The following SLC7A9 variants were observed in gnomAD, a reference collection of about 807,000 sequenced individuals.
SLC7A9 encodes the protein B(0,+)-type amino acid transporter 1.
SLC7A9 carries 38 observed loss-of-function variants against 54.1 expected under a neutral mutation model. The observed-to-expected ratio is 0.70, with a 90% confidence interval of 0.54 to 0.92. The LOEUF is 0.92. Ranked by LOEUF, SLC7A9 falls within the 40% of genes least tolerant of loss-of-function variation. The probability of loss-of-function intolerance (pLI) is 0.00; values close to 1 mark genes in which losing one functional copy is unlikely to be tolerated. For synonymous variants in SLC7A9, 264 were observed against 258.9 expected (o/e 1.02, Z -0.19); for missense variants, 537 against 636.1 (o/e 0.84, Z 1.68).
intron 9 of SLC7A9, among the ~76,000 whole-genome samples, chr19:32,846,690 C>G (rs571329637): frequency 7.9e-5 from 12 of 152,338 alleles, no homozygotes; most frequent in African/African-American, 2.6e-4. Context: ...CAGCACACAG[C>G]TGGAGATCTG....
At chr19:32,854,710 C>T (rs1968567823) in intron 9 of SLC7A9, among the ~76,000 whole-genome samples, 1 of 152,100 alleles carries the variant, frequency 6.6e-6, no homozygotes, top group Non-Finnish European at 1.5e-5. Flanking sequence ...GCCTCAGCCT[C>T]CTGAGTAGCT....
intron 9 of SLC7A9, among the ~76,000 whole-genome samples, chr19:32,852,036 G>A (rs894500078): frequency 6.6e-5 from 10 of 152,018 alleles, no homozygotes; most frequent in African/African-American, 1.7e-4. Flanking sequence ...TGGGGGGAGC[G>A]GGGAGGGATA....
In SLC7A9 at chr19:32,862,528, G is replaced by C; in HGVS notation, c.537C>G (p.Ile179Met). ...SVRLGSYVQN[I>M]FTAAKLVIVA... Reference sequence around the variant, plus strand: ...CGATCACCAGCTTGGCCGCGGTGAAGATGTTCTGGACGTAGCTTCCCAGCC... The same window carrying C: ...CGATCACCAGCTTGGCCGCGGTGAACATGTTCTGGACGTAGCTTCCCAGCC... The change falls in exon 5 of 13, where the codon ATC becomes ATG. Residue 179 changes from isoleucine (I) to methionine (M), a missense_variant. Coordinates refer to ENST00000023064, the MANE Select transcript of SLC7A9 (RefSeq NM_014270.5). 1.2e-6 allele frequency: 2 copies of C among 1,613,918 alleles called. No homozygotes were observed. Among genetic ancestry groups the C allele is most frequent in the East Asian group, 2.2e-5 (1 of 44,894 alleles).
intron 11 of SLC7A9, among the ~76,000 whole-genome samples, chr19:32,836,518 T>TA (rs1219449687): frequency 6.6e-6 from 1 of 152,216 alleles, no homozygotes; most frequent in East Asian, 1.9e-4. Context: ...TATCAAGGTT[T>TA]TCTTCATGGC....
At chr19:32,849,328 A>G (rs1156236699) in intron 9 of SLC7A9, among the ~76,000 whole-genome samples, 2 of 152,220 alleles carry the variant, frequency 1.3e-5, no homozygotes, top group African/African-American at 4.8e-5. Context: ...AATAGACACA[A>G]TAAAAAATGA....
At chr19:32,868,185 G>A (rs964945285) in intron 2 of SLC7A9, among the ~76,000 whole-genome samples, 4 of 143,810 alleles carry the variant, frequency 2.8e-5, no homozygotes, top group African/African-American at 1.0e-4. Flanking sequence ...GAGCCGAGAT[G>A]GCAGCACTGC....
intron 9 of SLC7A9, among the ~76,000 whole-genome samples, chr19:32,857,591 T>G (rs1338017470): frequency 2.6e-5 from 4 of 152,172 alleles, no homozygotes; most frequent in Non-Finnish European, 5.9e-5. Flanking sequence ...TTTATGGTAT[T>G]TCATTTTTTA....
At chr19:32,863,962 G>T in intron 4 of SLC7A9, 134 bp downstream of exon 4, 1 of 1,414,592 alleles carries the variant, frequency 7.1e-7, no homozygotes, top group Non-Finnish European at 9.9e-7. Context: ...GCACCCACAG[G>T]TACTGCAAAG....
At position 32,858,559 on chromosome 19, in the gene SLC7A9, A is replaced by G; in HGVS notation, c.874-16T>C. 8 of 1,592,708 alleles carry G rather than the reference A, an allele frequency of 5.0e-6. No homozygotes were observed. The highest frequency in any genetic ancestry group is 6.0e-6 in the Non-Finnish European group (7 of 1,163,398). The stretch of plus-strand genomic sequence containing the variant: ...CACCAAATGTCTGGTGAGAGAAGCG[A>G]GATGAGTCCTGAGGGTCTTTCTTGG... On this transcript the variant is annotated splice_polypyrimidine_tract_variant and intron_variant, in intron 8 of 12. Coordinates refer to ENST00000023064, the MANE Select transcript of SLC7A9 (RefSeq NM_014270.5).
At chr19:32,837,522 A>G (rs1178456948) in intron 11 of SLC7A9, among the ~76,000 whole-genome samples, 2 of 150,040 alleles carry the variant, frequency 1.3e-5, no homozygotes, top group Non-Finnish European at 3.0e-5. Context: ...AAAAAAAGAA[A>G]CCTCAAATTC....
At chr19:32,847,827 C>A (rs1393649502) in intron 9 of SLC7A9, among the ~76,000 whole-genome samples, 2 of 152,206 alleles carry the variant, frequency 1.3e-5, no homozygotes, top group Non-Finnish European at 2.9e-5. Context: ...GTCAGACTAA[C>A]AGCGGATCTC....
intron 9 of SLC7A9, among the ~76,000 whole-genome samples, chr19:32,846,557 G>GGCCT (rs1968302565): frequency 6.6e-6 from 1 of 152,318 alleles, no homozygotes; most frequent in East Asian, 1.9e-4. Context: ...AGCTCAAGGA[G>GGCCT]GCCTGCCTGC....
intron 9 of SLC7A9, among the ~76,000 whole-genome samples, chr19:32,851,565 T>G (rs1375301146): frequency 2.0e-5 from 3 of 151,628 alleles, no homozygotes; most frequent in Admixed American, 2.0e-4. Flanking sequence ...ACTTTTACAC[T>G]GTTGGTGGGA....
rs746017558 is a variant in SLC7A9 at position 32,862,445 on chromosome 19, C to G, written c.604+16G>C. On this transcript the variant is annotated intron_variant, in intron 5 of 12. Transcript: ENST00000023064. The stretch of plus-strand genomic sequence containing the variant: ...TTGGTGTGTGCCCGTGCAGGGCCCA[C>G]CCTCCCGTGGGTCACCTTGGGCCAG... 1 of 1,612,388 alleles carries G rather than the reference C, an allele frequency of 6.2e-7. No individual in the cohort carries two copies. Among genetic ancestry groups the G allele is most frequent in the Non-Finnish European group, 8.5e-7 (1 of 1,180,000 alleles).
intron 8 of SLC7A9, 84 bp from the exon 9 acceptor site, chr19:32,858,627 AG>A: frequency 9.5e-7 from 1 of 1,051,462 alleles, no homozygotes; most frequent in Non-Finnish European, 1.4e-6. Context: ...CTGGCCTCCC[AG>A]GGGACCCAGG....
Position 32,868,588 on chromosome 19 carries a change from G to C in SLC7A9, c.-54C>G, listed in dbSNP as rs945892559. 2.7e-6 allele frequency: 4 copies of C among 1,486,078 alleles called. No individual in the cohort carries two copies. In the African/African-American group the frequency reaches 5.5e-5, roughly 21 times the overall value. 92.1% of individuals were successfully genotyped at this position (1,486,078 alleles called of 1,614,324 possible). ...CAAGGAGGGCGCACAGCTAAATCTT[G>C]GTTCAGCAGCAGCAGACAAGACGCA... On this transcript the variant is annotated 5_prime_UTR_variant, in exon 2 of 13. Transcript: ENST00000023064.
In SLC7A9 at chr19:32,863,309, T is replaced by G. The variant is rs184212009; in HGVS notation, c.479-723A>C. On this transcript the variant is annotated intron_variant, in intron 4 of 12. Transcript: ENST00000023064. Reference sequence around the variant, plus strand: ...CGCCCTGCTAATTTTTGTATTTTAGTAGAAACAGGGTTTTGCCACGTTGGC... The same window carrying G: ...CGCCCTGCTAATTTTTGTATTTTAGGAGAAACAGGGTTTTGCCACGTTGGC... Among the ~76,000 whole-genome samples, 217 of 150,628 alleles carry G rather than the reference T, an allele frequency of 1.4e-3. 1 individual carries two copies. Among genetic ancestry groups the G allele is most frequent in the African/African-American group, 5.2e-3 (211 of 40,900 alleles).
At chr19:32,851,093 A>C (rs1458168977) in intron 9 of SLC7A9, among the ~76,000 whole-genome samples, 2 of 152,172 alleles carry the variant, frequency 1.3e-5, no homozygotes, top group African/African-American at 2.4e-5. Flanking sequence ...CTAGGCAATA[A>C]CATTCAGGAC....
At chr19:32,845,380 A>AG (rs1968257618) in intron 9 of SLC7A9, among the ~76,000 whole-genome samples, 1 of 152,012 alleles carries the variant, frequency 6.6e-6, no homozygotes, top group Admixed American at 6.6e-5. Flanking sequence ...CTGTAACCTC[A>AG]GCTGAGGCTG....
Sources: gnomAD v4.1 joint callset for allele counts (sites outside exome capture counted in the v4.1 genomes callset) on GRCh38, gnomAD v4.1.1 for gene constraint, MANE v1.5 for transcripts, NCBI Gene and HGNC (gene_info 2026-07-23, HGNC 2026-07-21) for gene names.